The following CACNG2 variants were observed in gnomAD, a reference collection of about 807,000 sequenced individuals.
CACNG2 encodes the protein calcium voltage-gated channel auxiliary subunit gamma 2.
CACNG2 carries 3 observed loss-of-function variants against 25.9 expected under a neutral mutation model. The ratio of observed to expected loss-of-function variants is 0.12; its 90% confidence interval spans 0.05 to 0.30. The LOEUF (loss-of-function observed/expected upper bound fraction) is 0.30, where lower values mean the gene tolerates loss of function less well. CACNG2 is among the 10% of genes least tolerant of loss of function. The probability of loss-of-function intolerance (pLI) is 1.00; values close to 1 mark genes in which losing one functional copy is unlikely to be tolerated. For missense variants in CACNG2, 341 were observed against 432.5 expected (o/e 0.79, Z 1.88); for synonymous variants, 167 against 173.3 (o/e 0.96, Z 0.29).
At position 36,566,450 on chromosome 22, in the gene CACNG2, A is replaced by T. The variant is rs762124902; in HGVS notation, c.339T>A (p.Ile113=). The T allele has an allele frequency of 6.2e-7, 1 of 1,614,138 alleles. No individual in the cohort carries two copies. The highest frequency in any genetic ancestry group is 1.1e-5 in the South Asian group (1 of 91,088). The change falls in exon 3 of 4, where the codon ATT becomes ATA. Residue 113 remains isoleucine (I), a synonymous_variant. Transcript: ENST00000300105. The part of the protein sequence containing the change: ...ASSIFPILSV[I]LLFMGGLCIA... ...TGCAGAGGCCACCCATGAAAAGCAG[A>T]ATCACACTCAGGATTGGGAAAATGC...
chr22:36,565,812 AT>A (rs1935114960), intron 3 of CACNG2, among the ~76,000 whole-genome samples: 1 of 152,182 alleles, frequency 6.6e-6, no homozygotes, highest in Non-Finnish European at 1.5e-5. Context: ...TTCTTATTAA[AT>A]GGCTCAGGCT....
At chr22:36,673,320 A>C (rs1936978620) in intron 1 of CACNG2, among the ~76,000 whole-genome samples, 1 of 152,154 alleles carries the variant, frequency 6.6e-6, no homozygotes, top group South Asian at 2.1e-4. Context: ...AGCAAAAGAG[A>C]AGAAGGCAAT....
intron 1 of CACNG2, among the ~76,000 whole-genome samples, chr22:36,602,302 C>T (rs1181090051): frequency 6.6e-6 from 1 of 151,876 alleles, no homozygotes; most frequent in South Asian, 2.1e-4. Context: ...AATGTGTTTC[C>T]CAATCTGTAC....
At chr22:36,698,208 C>T (rs567834548) in intron 1 of CACNG2, among the ~76,000 whole-genome samples, 8 of 152,280 alleles carry the variant, frequency 5.3e-5, no homozygotes, top group South Asian at 2.1e-4. Context: ...CTCTCTCTCT[C>T]GATCACTTGG....
chr22:36,564,684 G>T lies in CACNG2; in HGVS notation c.639C>A (p.Arg213=), dbSNP rs762691427. The change falls in exon 4 of 4, where the codon CGC becomes CGA. Residue 213 remains arginine, a synonymous_variant. Coordinates refer to ENST00000300105, the MANE Select transcript of CACNG2 (RefSeq NM_006078.5). The surrounding 1 kb of genome is among the most constrained non-coding windows in gnomAD (Gnocchi z 6.7). ...CAGAGGCCTGGAGGTAGTCCGTGGC[G>T]CGGGCCGTGGCCCGCAGCTGTTTGT... ...DRHKQLRATA[R]ATDYLQASAI... The T allele has an allele frequency of 1.2e-6, 2 of 1,613,976 alleles. No homozygotes were observed. Among genetic ancestry groups the T allele is most frequent in the Non-Finnish European group, 8.5e-7 (1 of 1,180,010 alleles).
intron 1 of CACNG2, among the ~76,000 whole-genome samples, chr22:36,690,388 AT>A (rs1937254466): frequency 6.6e-6 from 1 of 151,954 alleles, no homozygotes; most frequent in Non-Finnish European, 1.5e-5. Flanking sequence ...AAAAATGTGG[AT>A]TTTTATGGGA....
chr22:36,701,199 G>A (rs1395491580), intron 1 of CACNG2, among the ~76,000 whole-genome samples: 2 of 152,050 alleles, frequency 1.3e-5, no homozygotes, highest in Non-Finnish European at 2.9e-5. Flanking sequence ...AAACACATAA[G>A]CCTCTTTTTT....
At chr22:36,637,693 C>A (rs1046755587) in intron 1 of CACNG2, among the ~76,000 whole-genome samples, 4 of 152,130 alleles carry the variant, frequency 2.6e-5, no homozygotes, top group African/African-American at 4.8e-5. Context: ...TAAAACCACA[C>A]AGCCATGGAA....
chr22:36,646,397 T>C (rs1466034046), intron 1 of CACNG2, among the ~76,000 whole-genome samples: 1 of 152,200 alleles, frequency 6.6e-6, no homozygotes, highest in African/African-American at 2.4e-5. Flanking sequence ...GCTGTTCAAG[T>C]GGTGATGAAA....
chr22:36,665,309 T>G (rs193203786), intron 1 of CACNG2, among the ~76,000 whole-genome samples: 7 of 152,324 alleles, frequency 4.6e-5, no homozygotes, highest in African/African-American at 1.4e-4. Flanking sequence ...CTGGGCAGTT[T>G]ACTTAACCCT....
At chr22:36,680,866 C>G (rs796644557) in intron 1 of CACNG2, among the ~76,000 whole-genome samples, 36 of 149,088 alleles carry the variant, frequency 2.4e-4, no homozygotes, top group African/African-American at 8.2e-4. Flanking sequence ...ACCACCATCA[C>G]CATCACTATC....
At chr22:36,610,928 G>A (rs912024509) in intron 1 of CACNG2, among the ~76,000 whole-genome samples, 4 of 152,226 alleles carry the variant, frequency 2.6e-5, no homozygotes, top group Non-Finnish European at 5.9e-5. Flanking sequence ...CCTACTCCCC[G>A]TGGCTCTGGT....
intron 2 of CACNG2, chr22:36,585,111 A>G (rs1935478830): frequency 6.6e-6 from 1 of 152,242 alleles, no homozygotes; most frequent in African/African-American, 2.4e-5. Context: ...TCAGTCATCA[A>G]AGTGCTTTTT....
At chr22:36,567,763 C>T (rs1032799843) in intron 2 of CACNG2, among the ~76,000 whole-genome samples, 1 of 152,078 alleles carries the variant, frequency 6.6e-6, no homozygotes, top group Admixed American at 6.6e-5. Context: ...TGAGTGACCT[C>T]AGGACCCAGC....
rs575267801 is a variant in CACNG2, at chr22:36,606,326, A to G, written c.212-18778T>C. On this transcript the variant is annotated intron_variant, in intron 1 of 3. Coordinates refer to ENST00000300105, the MANE Select transcript of CACNG2 (RefSeq NM_006078.5). The surrounding 1 kb of genome is among the most constrained non-coding windows in gnomAD (Gnocchi z 5.7). ...GCTGCCATGAGCCAGGCATGGGGCC[A>G]AGCACTTTACAACAAGCCTGTTGAG... 2.2e-4 allele frequency among the ~76,000 whole-genome samples: 33 copies of G among 152,342 alleles called. 1 individual carries two copies. The South Asian group carries it at 4.6e-3, about 21-fold the overall frequency.
At chr22:36,590,333 A>C (rs1158379377) in intron 1 of CACNG2, among the ~76,000 whole-genome samples, 2 of 152,158 alleles carry the variant, frequency 1.3e-5, no homozygotes, top group East Asian at 3.8e-4. Flanking sequence ...CCAGCTGCCT[A>C]TTTGACATCT....
chr22:36,628,812 C>T (rs1261976326), intron 1 of CACNG2, among the ~76,000 whole-genome samples: 4 of 152,028 alleles, frequency 2.6e-5, no homozygotes, highest in Non-Finnish European at 5.9e-5. Flanking sequence ...GGGGTAAAGA[C>T]AACAATAAAA....
chr22:36,672,156 T>C (rs988385507), intron 1 of CACNG2, among the ~76,000 whole-genome samples: 2 of 151,644 alleles, frequency 1.3e-5, no homozygotes, highest in African/African-American at 4.8e-5. Flanking sequence ...TACATTTTTT[T>C]TTTTCTTTTT....
chr22:36,639,535 C>T (rs1398396393), intron 1 of CACNG2, among the ~76,000 whole-genome samples: 1 of 152,212 alleles, frequency 6.6e-6, no homozygotes, highest in Non-Finnish European at 1.5e-5. Flanking sequence ...CTCTCTTCTT[C>T]CCAGAATGGT....
Sources: allele counts gnomAD v4.1 joint callset (sites outside exome capture counted in the v4.1 genomes callset), GRCh38; gene constraint gnomAD v4.1.1; non-coding constraint Gnocchi (gnomAD v3.1); transcripts MANE v1.5; gene names NCBI Gene and HGNC (gene_info 2026-07-23, HGNC 2026-07-21).